Variants in HTT observed in about 807,000 individuals in gnomAD.
HTT encodes the protein huntington disease protein.
Under a neutral mutation model 362.3 loss-of-function variants are expected in HTT, and 104 were observed. The observed-to-expected ratio is 0.29, with a 90% CI of 0.24 to 0.34. The LOEUF (loss-of-function observed/expected upper bound fraction) is 0.34, where lower values mean the gene tolerates loss of function less well. Among genes scored for constraint, HTT ranks in the 10% least tolerant of loss-of-function variants. The probability of loss-of-function intolerance (pLI) is 1.00; values close to 1 mark genes in which losing one functional copy is unlikely to be tolerated. For synonymous variants in HTT, 1,577 were observed against 1,548.7 expected (o/e 1.02, Z -0.43); for missense variants, 3,301 against 3,928.6 (o/e 0.84, Z 4.27).
intron 10 of HTT, 168 bp downstream of exon 10, chr4:3,123,104 C>A: frequency 4.4e-6 from 2 of 453,518 alleles, no homozygotes; most frequent in Non-Finnish European, 7.6e-6. Context: ...GATAACCAGG[C>A]CTGAATAGTT....
intron 49 of HTT, chr4:3,212,935 C>A (rs989080214): frequency 6.9e-5 from 36 of 524,094 alleles, no homozygotes; most frequent in Non-Finnish European, 1.1e-4. Flanking sequence ...AGGTCCCCTT[C>A]TCATCTGCAC....
intron 2 of HTT, among the ~76,000 whole-genome samples, chr4:3,091,737 T>TGTA (rs1465385737): frequency 7.2e-5 from 11 of 152,188 alleles, no homozygotes; most frequent in Admixed American, 7.2e-4. Flanking sequence ...TAGTAATCAG[T>TGTA]AGACTGAAAC....
chr4:3,126,139 G>A (rs981366801), intron 11 of HTT, among the ~76,000 whole-genome samples: 7 of 152,140 alleles, frequency 4.6e-5, no homozygotes, highest in Admixed American at 2.6e-4. Context: ...TGCAGCCTCC[G>A]CCTTCTGGGT....
chr4:3,178,241 T>C, intron 34 of HTT, 57 bp from the exon 35 acceptor site: 7 of 1,256,688 alleles, frequency 5.6e-6, no homozygotes, highest in Non-Finnish European at 8.0e-6. Context: ...ATGTTGCTTA[T>C]ATTGATATGT....
chr4:3,074,685 C>A lies in HTT; in HGVS notation c.-141C>A. On this transcript the variant is annotated 5_prime_UTR_variant, in exon 1 of 67. Transcript: ENST00000355072. ...GGGACGCAAGGCGCCGTGGGGGCTG[C>A]CGGGACGGGTCCAAGATGGACGGCC... is the stretch of plus-strand genomic sequence containing the variant. 1.2e-6 allele frequency: 1 copy of A among 838,334 alleles called. No individual in the cohort carries two copies. The highest frequency in any genetic ancestry group is 1.6e-6 in the Non-Finnish European group (1 of 609,632). 51.9% of individuals were successfully genotyped at this position (838,334 alleles called of 1,614,324 possible). A position where few individuals can be genotyped will look rare whatever the true frequency, so the allele number is the denominator to read the frequency against.
chr4:3,230,083 CG>C, intron 60 of HTT, 41 bp downstream of exon 60: 4 of 1,576,814 alleles, frequency 2.5e-6, no homozygotes, highest in East Asian at 2.2e-5. Flanking sequence ...GCTGAAGCCA[CG>C]GGGGCCCATC....
At chr4:3,083,545 A>G (rs941718596) in intron 1 of HTT, among the ~76,000 whole-genome samples, 1 of 122,660 alleles carries the variant, frequency 8.2e-6, no homozygotes, top group African/African-American at 4.0e-5. Context: ...ACACACACAC[A>G]CACACACACA....
At chr4:3,110,003 T>C (rs562079936) in intron 6 of HTT, among the ~76,000 whole-genome samples, 38 of 152,290 alleles carry the variant, frequency 2.5e-4, no homozygotes, top group African/African-American at 7.0e-4. Context: ...CACTTCTTGA[T>C]TGGGGCCTTC....
chr4:3,104,238 A>T (rs918916523), intron 4 of HTT, among the ~76,000 whole-genome samples: 5 of 151,838 alleles, frequency 3.3e-5, no homozygotes, highest in African/African-American at 1.2e-4. Context: ...ACCTCAGGTG[A>T]TCCGCCCGCC....
chr4:3,206,991 G>A lies in HTT; in HGVS notation c.6075+8G>A, dbSNP rs532596223. 20 of 1,601,348 alleles carry A rather than the reference G, an allele frequency of 1.2e-5. No homozygotes were observed. In the African/African-American group the frequency reaches 2.0e-4, roughly 16 times the overall value. ...CTGGCTGCAAATTTACAGGTATTGG[G>A]AAGAGAAACCCTGATATTGATTTAT... On this transcript the variant is annotated splice_region_variant and intron_variant, in intron 44 of 66. Coordinates refer to ENST00000355072, the MANE Select transcript of HTT (RefSeq NM_001388492.1). The surrounding 1 kb of genome is among the most constrained non-coding windows in gnomAD (Gnocchi z 4.6).
At position 3,217,756 on chromosome 4, in the gene HTT, C is replaced by G. The variant is rs1294735069; in HGVS notation, c.7055-9C>G. On this transcript the variant is annotated splice_polypyrimidine_tract_variant and intron_variant, in intron 51 of 66. Coordinates refer to ENST00000355072, the MANE Select transcript of HTT (RefSeq NM_001388492.1). Reference sequence around the variant, plus strand: ...TTAAAAAGTCCTCTCTTAACCGTTGCTTGTTTAGATCCTAAGTATATCACT... The same window carrying G: ...TTAAAAAGTCCTCTCTTAACCGTTGGTTGTTTAGATCCTAAGTATATCACT... 1.4e-5 allele frequency: 23 copies of G among 1,605,940 alleles called. No homozygotes were observed. Among genetic ancestry groups the G allele is most frequent in the Non-Finnish European group, 1.9e-5 (22 of 1,174,818 alleles).
chr4:3,096,283 T>G lies in HTT; in HGVS notation c.348-2991T>G, dbSNP rs1222472458. On this transcript the variant is annotated intron_variant, in intron 2 of 66. Transcript: ENST00000355072. The stretch of plus-strand genomic sequence containing the variant: ...ACAGACAAATCCACAGTGATAGAGA[T>G]TTCAGTAGCCGCTCTCAATGATTTG... Among the ~76,000 whole-genome samples, 4 of 152,306 alleles carry G rather than the reference T, an allele frequency of 2.6e-5. No homozygotes were observed. The East Asian group carries it at 7.7e-4, about 29-fold the overall frequency.
chr4:3,123,037 C>A, intron 10 of HTT, 101 bp downstream of exon 10: 1 of 869,148 alleles, frequency 1.2e-6, no homozygotes. Context: ...CTGTATTGGA[C>A]TCTGTGTATA....
At chr4:3,094,635 C>G (rs1178931690) in intron 2 of HTT, among the ~76,000 whole-genome samples, 1 of 142,402 alleles carries the variant, frequency 7.0e-6, no homozygotes, top group Non-Finnish European at 1.5e-5. Context: ...GGCTGCCCCC[C>G]ACCTCCCGGA....
At chr4:3,179,432 C>G (rs1718392141) in intron 35 of HTT, among the ~76,000 whole-genome samples, 1 of 152,116 alleles carries the variant, frequency 6.6e-6, no homozygotes, top group African/African-American at 2.4e-5. Flanking sequence ...AGAGAGTATA[C>G]CCATGCGTGC....
At chr4:3,105,024 A>C (rs1441074709) in intron 4 of HTT, among the ~76,000 whole-genome samples, 2 of 152,206 alleles carry the variant, frequency 1.3e-5, no homozygotes, top group Non-Finnish European at 2.9e-5. Flanking sequence ...CACTGAGCAA[A>C]CTTCACTCTG....
chr4:3,234,380 G>A (rs985379790), intron 61 of HTT, among the ~76,000 whole-genome samples: 2 of 152,370 alleles, frequency 1.3e-5, no homozygotes, highest in African/African-American at 2.4e-5. Context: ...ACAGGCGGAC[G>A]GCTGGCAACT....
rs540936636 is a variant in HTT, at chr4:3,207,291, C to T, written c.6086C>T (p.Ala2029Val). 2.1e-5 allele frequency: 34 copies of T among 1,613,660 alleles called. No homozygotes were observed. In the South Asian group the frequency reaches 3.2e-4, roughly 15 times the overall value. The change falls in exon 45 of 67, where the codon GCC becomes GTC. Residue 2029 changes from alanine (A) to valine (V), a missense_variant. By Grantham distance (64) the Ala-to-Val change is moderately conservative. Transcript: ENST00000355072. ...LLAANLQSSM[A>V]QLPMEELNRI... ...GTTTTTGTCTATTAGAGCAGCATGG[C>T]CCAGTTGCCAATGGAAGAACTCAAC...
At chr4:3,221,458 C>T (rs964949585) in intron 53 of HTT, among the ~76,000 whole-genome samples, 1 of 152,204 alleles carries the variant, frequency 6.6e-6, no homozygotes, top group Non-Finnish European at 1.5e-5. Context: ...CAGTCCTTGC[C>T]TTGTCTGTGC....
Sources: allele counts gnomAD v4.1 joint callset (sites outside exome capture counted in the v4.1 genomes callset), GRCh38; gene constraint gnomAD v4.1.1; non-coding constraint Gnocchi (gnomAD v3.1); transcripts MANE v1.5; gene names NCBI Gene and HGNC (gene_info 2026-07-23, HGNC 2026-07-21).